The following OSBPL3 variants were observed in gnomAD, a reference collection of about 807,000 sequenced individuals.
OSBPL3 encodes the protein oxysterol-binding protein-related protein 3.
OSBPL3 carries 65 observed loss-of-function variants against 120.1 expected under a neutral mutation model. The ratio of observed to expected loss-of-function variants is 0.54; its 90% CI spans 0.44 to 0.67. The LOEUF (loss-of-function observed/expected upper bound fraction) is 0.67. Among genes scored for constraint, OSBPL3 ranks in the 30% least tolerant of loss-of-function variants. The pLI, the probability that OSBPL3 is intolerant of heterozygous loss-of-function variation, is 0.00. For synonymous variants in OSBPL3, 416 were observed against 402.6 expected (o/e 1.03, Z -0.40); for missense variants, 1,004 against 1,082.1 (o/e 0.93, Z 1.01).
At chr7:24,925,942 T>C (rs1374591907) in intron 1 of OSBPL3, among the ~76,000 whole-genome samples, 1 of 152,226 alleles carries the variant, frequency 6.6e-6, no homozygotes, top group Non-Finnish European at 1.5e-5. Flanking sequence ...ATTAGAAATA[T>C]AAAGTTTATC....
intron 1 of OSBPL3, among the ~76,000 whole-genome samples, chr7:24,957,222 C>CAA (rs77386142): frequency 1.4e-4 from 16 of 114,062 alleles, no homozygotes; most frequent in Admixed American, 7.2e-4. Flanking sequence ...GCAGAACAGA[C>CAA]AAAAAAAAAA....
chr7:24,951,511 C>A (rs983405017), intron 1 of OSBPL3, among the ~76,000 whole-genome samples: 10 of 152,034 alleles, frequency 6.6e-5, no homozygotes, highest in East Asian at 5.8e-4. Flanking sequence ...ACTTTTAGAT[C>A]CAGGAAAGAA....
At chr7:24,897,539 A>G (rs970840710) in intron 1 of OSBPL3, among the ~76,000 whole-genome samples, 22 of 151,714 alleles carry the variant, frequency 1.5e-4, no homozygotes, top group Non-Finnish European at 2.4e-4. Flanking sequence ...GTTAGCCAGG[A>G]TGGTCTCGAT....
At position 24,885,227 on chromosome 7, in the gene OSBPL3, C is replaced by CAA. The variant is rs59823834; in HGVS notation, c.96+7148_96+7149dup. Among the ~76,000 whole-genome samples the CAA allele has an allele frequency of 4.8e-3, 538 of 112,218 alleles. No individual in the cohort carries two copies. In the Middle Eastern group the frequency reaches 0.052, roughly 11 times the overall value. The allele number at this position is 112,218 out of a possible 152,430, so 73.6% of individuals were successfully genotyped here. On this transcript the variant is annotated intron_variant, in intron 2 of 22. Transcript: ENST00000313367. The stretch of plus-strand genomic sequence containing the variant: ...ACAGAGTGAGACTCTGTCTCAAAAA[C>CAA]AAAAAAAAAAAAAAAGAAAGAAATG...
Position 24,863,316 on chromosome 7 carries a change from A to T in OSBPL3, c.778-24T>A, listed in dbSNP as rs780546475. On this transcript the variant is annotated intron_variant, in intron 8 of 22. Coordinates refer to ENST00000313367, the MANE Select transcript of OSBPL3 (RefSeq NM_015550.4). The surrounding 1 kb of genome is among the most constrained non-coding windows in gnomAD (Gnocchi z 5.8). Reference sequence around the variant, plus strand: ...CCCTTTGTTTCAAAACAGGAAAGAGAGCACAGACAGTAAAGTCCACCAAAC... The same window carrying T: ...CCCTTTGTTTCAAAACAGGAAAGAGTGCACAGACAGTAAAGTCCACCAAAC... 7.6e-6 allele frequency: 12 copies of T among 1,588,872 alleles called. 1 individual carries two copies. The African/African-American group carries it at 1.1e-4, about 14-fold the overall frequency.
intron 1 of OSBPL3, among the ~76,000 whole-genome samples, chr7:24,954,608 A>G (rs1234130528): frequency 6.6e-6 from 1 of 152,092 alleles, no homozygotes; most frequent in Non-Finnish European, 1.5e-5. Context: ...AGAGGGGGCC[A>G]AGATGTAAAA....
At chr7:24,956,674 A>G (rs1164731392) in intron 1 of OSBPL3, among the ~76,000 whole-genome samples, 1 of 152,174 alleles carries the variant, frequency 6.6e-6, no homozygotes, top group Non-Finnish European at 1.5e-5. Flanking sequence ...CTTGTAAAAC[A>G]GGCCTTTTTC....
chr7:24,834,363 GT>G lies in OSBPL3; in HGVS notation c.1746+122del. Reference sequence around the variant, plus strand: ...CCAGACAGCTCTGAGTAATGAACCTGTTTACGGAACAATCAAAATGAAACCG... The same window carrying G: ...CCAGACAGCTCTGAGTAATGAACCTGTTACGGAACAATCAAAATGAAACCG... On this transcript the variant is annotated intron_variant, in intron 15 of 22. Transcript: ENST00000313367. This position sits in a 1 kb window ranked among gnomAD's most constrained non-coding sequence, Gnocchi z 5.2. 2.6e-6 allele frequency: 4 copies of G among 1,513,674 alleles called. No homozygotes were observed. The Admixed American group carries it at 9.0e-5, about 34-fold the overall frequency. 93.8% of individuals were successfully genotyped at this position (1,513,674 alleles called of 1,614,324 possible).
chr7:24,875,854 A>G (rs1163279786), intron 2 of OSBPL3, among the ~76,000 whole-genome samples: 2 of 152,110 alleles, frequency 1.3e-5, no homozygotes, highest in Non-Finnish European at 2.9e-5. Context: ...ACTGGTCATA[A>G]TAAGAGGACA....
intron 10 of OSBPL3, among the ~76,000 whole-genome samples, chr7:24,856,931 C>T (rs981073905): frequency 2.0e-5 from 3 of 152,174 alleles, no homozygotes; most frequent in African/African-American, 7.2e-5. Flanking sequence ...GATTTAGATA[C>T]ATTAGGTAAC....
chr7:24,886,318 T>G (rs936010419), intron 2 of OSBPL3, among the ~76,000 whole-genome samples: 30 of 152,230 alleles, frequency 2.0e-4, no homozygotes, highest in African/African-American at 7.2e-4. Context: ...TTTCTAGAGC[T>G]GCGTCTTTAC....
At chr7:24,920,220 A>G (rs1810225057) in intron 1 of OSBPL3, among the ~76,000 whole-genome samples, 1 of 152,232 alleles carries the variant, frequency 6.6e-6, no homozygotes, top group South Asian at 2.1e-4. Context: ...TATTTATAAT[A>G]GTCAAAAAGT....
Position 24,872,141 on chromosome 7 carries a change from C to T in OSBPL3, c.97-72G>A. On this transcript the variant is annotated intron_variant, in intron 2 of 22. Transcript: ENST00000313367. This position sits in a 1 kb window ranked among gnomAD's most constrained non-coding sequence, Gnocchi z 4.1. ...ATAATAATGGTAAAAAGCACTGCAT[C>T]CTGTCAGTAAATTTATTCAAGATGG... 3.8e-6 allele frequency: 4 copies of T among 1,057,936 alleles called. No individual in the cohort carries two copies. The Middle Eastern group carries it at 6.2e-4, about 165-fold the overall frequency. The allele number at this position is 1,057,936 out of a possible 1,614,324, so 65.5% of individuals were successfully genotyped here.
intron 12 of OSBPL3, among the ~76,000 whole-genome samples, chr7:24,848,721 G>A (rs1403082077): frequency 2.6e-5 from 4 of 152,022 alleles, no homozygotes; most frequent in Non-Finnish European, 5.9e-5. Context: ...TCAGAGAAAC[G>A]TAGGTTTCTT....
At chr7:24,889,803 C>G (rs368523398) in intron 2 of OSBPL3, among the ~76,000 whole-genome samples, 9 of 152,238 alleles carry the variant, frequency 5.9e-5, no homozygotes, top group Non-Finnish European at 1.0e-4. Context: ...GGGGAAGCCC[C>G]CACACCACAA....
chr7:24,834,068 A>T lies in OSBPL3; in HGVS notation c.1746+418T>A. 1.0e-6 allele frequency: 1 copy of T among 986,946 alleles called. No homozygotes were observed. Among genetic ancestry groups the T allele is most frequent in the South Asian group, 4.7e-5 (1 of 21,272 alleles). 61.1% of individuals were successfully genotyped at this position (986,946 alleles called of 1,614,324 possible). ...GACAATTCCAGAAATAAACACAAAC[A>T]TTCTCAGGGGAAACTTACCCTGGAT... is the stretch of plus-strand genomic sequence containing the variant. On this transcript the variant is annotated intron_variant, in intron 15 of 22. Transcript: ENST00000313367. This position sits in a 1 kb window ranked among gnomAD's most constrained non-coding sequence, Gnocchi z 5.2.
intron 1 of OSBPL3, among the ~76,000 whole-genome samples, chr7:24,895,762 G>A (rs577528507): frequency 6.6e-6 from 1 of 152,090 alleles, no homozygotes; most frequent in East Asian, 1.9e-4. Flanking sequence ...AATTCAAAGG[G>A]TTTATGGGTT....
At position 24,909,767 on chromosome 7, in the gene OSBPL3, T is replaced by TG. The variant is rs1304316959; in HGVS notation, c.-149-17147dup. 7.1e-5 allele frequency among the ~76,000 whole-genome samples: 7 copies of TG among 98,324 alleles called. No homozygotes were observed. In the East Asian group the frequency reaches 1.4e-3, roughly 20 times the overall value. The allele number at this position is 98,324 out of a possible 152,430, so 64.5% of individuals were successfully genotyped here. A position where few individuals can be genotyped will look rare whatever the true frequency, so the allele number is the denominator to read the frequency against. ...TATTTGACAAAATAAGGAAAGCTACTGTTTTTTTTTTCTTTCTTTTTTTTT... is the reference window on the plus strand; with the variant it reads ...TATTTGACAAAATAAGGAAAGCTACTGGTTTTTTTTTTCTTTCTTTTTTTTT... On this transcript the variant is annotated intron_variant, in intron 1 of 22. Coordinates refer to ENST00000313367, the MANE Select transcript of OSBPL3 (RefSeq NM_015550.4).
At position 24,834,502 on chromosome 7, in the gene OSBPL3, C is replaced by A. The variant is rs1418569646; in HGVS notation, c.1730G>T (p.Ser577Ile). ...ELLDKAAQIPSPLERMVYVAA... is the reference protein window; with the variant it reads ...ELLDKAAQIPIPLERMVYVAA... ...ACTCCTCACCATCCTTTCCAGGGGG[C>A]TGGGAATCTGCGCGGCCTTGTCCAG... Residue 577 changes from serine to isoleucine, a missense_variant, in exon 15 of 23, where the codon AGC becomes ATC. Ser to Ile is a moderately radical substitution (Grantham distance 142). This residue lies in a region of OSBPL3 where 473 missense variants were observed against 568.0 expected (regional missense o/e 0.83). Coordinates refer to ENST00000313367, the MANE Select transcript of OSBPL3 (RefSeq NM_015550.4). This position sits in a 1 kb window ranked among gnomAD's most constrained non-coding sequence, Gnocchi z 5.2. 1.2e-6 allele frequency: 2 copies of A among 1,611,206 alleles called. No homozygotes were observed. Among genetic ancestry groups the A allele is most frequent in the Admixed American group, 1.7e-5 (1 of 59,828 alleles).
Sources: gnomAD v4.1 joint callset for allele counts (sites outside exome capture counted in the v4.1 genomes callset) on GRCh38, gnomAD v4.1.1 for gene constraint, gnomAD v4.1.1 regional missense constraint, Gnocchi (gnomAD v3.1) non-coding constraint, MANE v1.5 for transcripts, NCBI Gene and HGNC (gene_info 2026-07-23, HGNC 2026-07-21) for gene names.